KCNG3: variants seen among roughly 807,000 people sequenced by gnomAD.
KCNG3 encodes voltage-gated potassium channel regulatory subunit KCNG3.
KCNG3 carries 15 observed loss-of-function variants against 29.0 expected under a neutral mutation model. That is an observed-to-expected ratio of 0.52 (90% CI 0.35 to 0.80). KCNG3 has a LOEUF of 0.80. KCNG3 is among the 30% of genes least tolerant of loss of function. The pLI is 0.01. For missense variants in KCNG3, 512 were observed against 605.7 expected, an observed-to-expected ratio of 0.85 and a Z score of 1.62; for synonymous variants, 322 against 248.9, an observed-to-expected ratio of 1.29 and a Z score of -2.76.
At chr2:42,454,572 C>T (rs926169336) in intron 1 of KCNG3, among the ~76,000 whole-genome samples, 76 of 151,984 alleles carry the variant, frequency 5.0e-4, no homozygotes, top group Admixed American at 2.8e-3. Context: ...ATTAGCCAGG[C>T]GTGGTAGTGG....
chr2:42,481,713 T>G (rs934809528), intron 1 of KCNG3, among the ~76,000 whole-genome samples: 1 of 152,164 alleles, frequency 6.6e-6, no homozygotes. Flanking sequence ...GTTTCCTTCC[T>G]GTTGCTCCAA....
chr2:42,478,190 T>A (rs572005132), intron 1 of KCNG3, among the ~76,000 whole-genome samples: 3 of 152,174 alleles, frequency 2.0e-5, no homozygotes, highest in African/African-American at 7.2e-5. Context: ...AAAGGAGCTT[T>A]TGTTTTATGT....
At chr2:42,479,943 T>C (rs539342735) in intron 1 of KCNG3, among the ~76,000 whole-genome samples, 1 of 152,024 alleles carries the variant, frequency 6.6e-6, no homozygotes, top group African/African-American at 2.4e-5. Context: ...ACCCAGGAGG[T>C]GGAGGTTGCA....
intron 1 of KCNG3, among the ~76,000 whole-genome samples, chr2:42,461,182 C>CAAA (rs34199989): frequency 0.011 from 631 of 56,322 alleles, 4 homozygotes; most frequent in Middle Eastern, 0.034. Flanking sequence ...CAAAACAAAA[C>CAAA]AAAAAAAAAA....
downstream of KCNG3, among the ~76,000 whole-genome samples, chr2:42,437,283 AAATT>A (rs1318294696): frequency 6.6e-6 from 1 of 152,220 alleles, no homozygotes; most frequent in African/African-American, 2.4e-5. Flanking sequence ...GGTTTTGATT[AAATT>A]AATATAAGTC....
At chr2:42,416,931 C>T in the KCNG3 span, among the ~76,000 whole-genome samples, 3 of 151,556 alleles carry the variant, frequency 2.0e-5, no homozygotes, top group African/African-American at 7.3e-5. Flanking sequence ...CATGTCATAC[C>T]CCACAAATAT....
At chr2:42,476,427 A>T (rs1430807214) in intron 1 of KCNG3, among the ~76,000 whole-genome samples, 1 of 152,046 alleles carries the variant, frequency 6.6e-6, no homozygotes, top group Non-Finnish European at 1.5e-5. Flanking sequence ...CAGTGGGCTG[A>T]GATCATGCCA....
chr2:42,440,153 C>T (rs1317802408), downstream of KCNG3, among the ~76,000 whole-genome samples: 1 of 152,038 alleles, frequency 6.6e-6, no homozygotes, highest in Non-Finnish European at 1.5e-5. Context: ...TACAATTGGG[C>T]CAAAATAGAC....
intron 1 of KCNG3, among the ~76,000 whole-genome samples, chr2:42,465,902 ACAC>A (rs1396963885): frequency 1.3e-5 from 2 of 152,222 alleles, no homozygotes; most frequent in Non-Finnish European, 1.5e-5. Flanking sequence ...AGAGAAATTA[ACAC>A]CACAATGAGA....
At chr2:42,429,799 C>T in the KCNG3 span, among the ~76,000 whole-genome samples, 1 of 152,120 alleles carries the variant, frequency 6.6e-6, no homozygotes, top group Non-Finnish European at 1.5e-5. Context: ...TGAAGAGAAT[C>T]AACCAGTGGA....
intron 1 of KCNG3, among the ~76,000 whole-genome samples, chr2:42,471,892 A>T (rs1260297071): frequency 6.6e-6 from 1 of 151,684 alleles, no homozygotes; most frequent in Non-Finnish European, 1.5e-5. Context: ...TCTCAAAAAA[A>T]AAAAAAAAAA....
At chr2:42,462,675 C>G (rs1371595794) in intron 1 of KCNG3, among the ~76,000 whole-genome samples, 1 of 152,026 alleles carries the variant, frequency 6.6e-6, no homozygotes, top group Non-Finnish European at 1.5e-5. Flanking sequence ...GAGTGAGACT[C>G]TGTCTCAAAA....
intron 1 of KCNG3, among the ~76,000 whole-genome samples, chr2:42,464,769 A>G (rs1329438135): frequency 6.6e-6 from 1 of 152,204 alleles, no homozygotes; most frequent in African/African-American, 2.4e-5. Context: ...TAGGTCCACT[A>G]GCATGGCTGA....
chr2:42,446,591 G>A (rs1242468558), intron 1 of KCNG3, among the ~76,000 whole-genome samples: 1 of 152,148 alleles, frequency 6.6e-6, no homozygotes, highest in Non-Finnish European at 1.5e-5. Context: ...AAGTACAATG[G>A]AGAGAGAAGA....
At chr2:42,399,028 C>CTTTTTTTCTTTTCTT in the KCNG3 span, among the ~76,000 whole-genome samples, 4 of 142,908 alleles carry the variant, frequency 2.8e-5, no homozygotes, top group Non-Finnish European at 4.7e-5. Flanking sequence ...TTGGGTTGTT[C>CTTTTTTTCTTTTCTT]TTTTTTTCTT....
the KCNG3 span, among the ~76,000 whole-genome samples, chr2:42,406,144 C>T: frequency 0.6 from 91,899 of 152,028 alleles, 28,388 homozygotes; most frequent in East Asian, 0.73. Context: ...TTTGATACTT[C>T]GCTAGTGTAT....
At chr2:42,479,579 G>A (rs889836515) in intron 1 of KCNG3, among the ~76,000 whole-genome samples, 24 of 151,060 alleles carry the variant, frequency 1.6e-4, no homozygotes, top group Admixed American at 1.5e-3. Flanking sequence ...TCAGTAGGTC[G>A]AGGCTGCAGT....
the KCNG3 span, chr2:42,388,563 G>A: frequency 3.3e-5 from 5 of 152,232 alleles, no homozygotes; most frequent in East Asian, 1.9e-4. Flanking sequence ...TTGTGGGCTC[G>A]GCTGCCTTTT....
the KCNG3 span, among the ~76,000 whole-genome samples, chr2:42,406,013 G>C: frequency 6.6e-6 from 1 of 152,076 alleles, no homozygotes; most frequent in Non-Finnish European, 1.5e-5. Context: ...AAAGTGCTGG[G>C]ATTACAGGCG....
Sources: allele counts gnomAD v4.1 joint callset (sites outside exome capture counted in the v4.1 genomes callset), GRCh38; gene constraint gnomAD v4.1.1; transcripts MANE v1.5; gene names NCBI Gene and HGNC (gene_info 2026-07-23, HGNC 2026-07-21).